Variants in CILK1 observed in about 807,000 individuals in gnomAD.
CILK1 encodes the protein serine/threonine-protein kinase ICK.
Under a neutral mutation model 79.2 loss-of-function variants are expected in CILK1, and 47 were observed. That is an observed-to-expected ratio of 0.59 (90% CI 0.47 to 0.76). CILK1 has a LOEUF of 0.76. Ranked by LOEUF, CILK1 falls within the 30% of genes least tolerant of loss-of-function variation. The pLI, the probability that CILK1 is intolerant of heterozygous loss-of-function variation, is 0.00. For missense variants in CILK1, 660 were observed against 769.5 expected, an observed-to-expected ratio of 0.86 and a Z score of 1.68; for synonymous variants, 266 against 275.9, an observed-to-expected ratio of 0.96 and a Z score of 0.36.
Position 53,013,839 on chromosome 6 carries a change from T to C in CILK1, c.975A>G (p.Pro325=), listed in dbSNP as rs2297211. 0.26 allele frequency: 420,072 copies of C among 1,613,652 alleles called. 57,186 individuals carry two copies. Among genetic ancestry groups the C allele is most frequent in the African/African-American group, 0.42 (31,352 of 74,886 alleles). ...AAATTCGTGTGTGTGGCTTGGCTGG[T>C]GGCTGGGCAGGTGGGACTGGCTTAA... ...PYIKPVPPAQ[P]PAKPHTRISS... Residue 325 remains proline, a synonymous_variant, in exon 9 of 14, where the codon CCA becomes CCG. Transcript: ENST00000676107.
chr6:53,036,781 C>G (rs754403844), intron 3 of CILK1, among the ~76,000 whole-genome samples: 3 of 152,188 alleles, frequency 2.0e-5, no homozygotes, highest in Non-Finnish European at 4.4e-5. Flanking sequence ...ACAGGGAACA[C>G]TAACTTTGAA....
intron 3 of CILK1, among the ~76,000 whole-genome samples, chr6:53,035,054 C>T (rs539519711): frequency 2.6e-5 from 4 of 152,192 alleles, no homozygotes; most frequent in South Asian, 2.1e-4. Context: ...GTGGGCAGGG[C>T]GCAAACCATT....
chr6:53,024,833 C>CT (rs11399655), intron 5 of CILK1, among the ~76,000 whole-genome samples: 91,956 of 133,862 alleles, frequency 0.69, 32,486 homozygotes, highest in East Asian at 0.91. Context: ...ATAGCTAAAT[C>CT]TTTTTTTTTT....
In CILK1 at chr6:53,016,234, C is replaced by T. The variant is rs1176179162; in HGVS notation, c.680G>A (p.Gly227Asp). 6.2e-7 allele frequency: 1 copy of T among 1,614,040 alleles called. No homozygotes were observed. Among genetic ancestry groups the T allele is most frequent in the Non-Finnish European group, 8.5e-7 (1 of 1,179,912 alleles). ...GTPKKTDWPE[G>D]YQLSSAMNFR... Reference sequence around the variant, plus strand: ...GTTCATTGCACTTGAAAGTTGATAGCCTTCAGGCCAGTCAGTCTGAAAGAA... The same window carrying T: ...GTTCATTGCACTTGAAAGTTGATAGTCTTCAGGCCAGTCAGTCTGAAAGAA... Residue 227 changes from glycine (G) to aspartate (D), a missense_variant, in exon 8 of 14, where the codon GGC (glycine) becomes GAC (aspartate). Gly to Asp is a moderately conservative substitution (Grantham distance 94, BLOSUM62 -1). Transcript: ENST00000676107.
chr6:53,026,796 G>C (rs923558922), intron 5 of CILK1, among the ~76,000 whole-genome samples: 2 of 152,174 alleles, frequency 1.3e-5, no homozygotes, highest in Admixed American at 1.3e-4. Flanking sequence ...ATTATGATAA[G>C]AACCTTCCTG....
rs1418100063 is a variant in CILK1, at chr6:53,061,701, C to T, written c.-278G>A. ...GAGCTGGAAATGGGGACAATCCCTG[C>T]TAGGACCGGCCGAGGGCTCCGTACA... On this transcript the variant is annotated 5_prime_UTR_variant, in exon 1 of 14. It removes the in-frame stop codon of an upstream open reading frame in the 5' UTR. Transcript: ENST00000676107. The T allele has an allele frequency of 6.6e-6, 1 of 152,342 alleles. No homozygotes were observed. The highest frequency in any genetic ancestry group is 1.9e-4 in the East Asian group (1 of 5,190). The allele number at this position is 152,342 out of a possible 1,614,324, so 9.4% of individuals were successfully genotyped here.
intron 5 of CILK1, among the ~76,000 whole-genome samples, chr6:53,024,517 G>A (rs1182229014): frequency 2.0e-5 from 3 of 152,186 alleles, no homozygotes; most frequent in Non-Finnish European, 4.4e-5. Flanking sequence ...CTGATTGTGT[G>A]TTTCCATTTT....
chr6:53,045,190 C>T (rs181991843), intron 1 of CILK1, among the ~76,000 whole-genome samples: 5 of 152,204 alleles, frequency 3.3e-5, no homozygotes, highest in East Asian at 3.9e-4. Context: ...TATCATATAC[C>T]ATGGTTCCTC....
intron 2 of CILK1, 125 bp from the exon 3 acceptor site, chr6:53,038,118 C>A: frequency 1.4e-6 from 1 of 692,872 alleles, no homozygotes; most frequent in African/African-American, 1.8e-5. Context: ...AATTTCTACC[C>A]AGTATTATAC....
intron 9 of CILK1, among the ~76,000 whole-genome samples, chr6:53,012,869 C>T (rs558318659): frequency 6.6e-6 from 1 of 152,272 alleles, no homozygotes; most frequent in South Asian, 2.1e-4. Flanking sequence ...CTTCAGACAG[C>T]ACTGCAAAGC....
chr6:53,036,418 T>C (rs527982277), intron 3 of CILK1, among the ~76,000 whole-genome samples: 1 of 152,226 alleles, frequency 6.6e-6, no homozygotes, highest in South Asian at 2.1e-4. Flanking sequence ...AAGAATATTT[T>C]TGTTTTTGTT....
intron 6 of CILK1, 150 bp from the exon 7 acceptor site, chr6:53,018,651 GC>G: frequency 4.0e-6 from 3 of 744,090 alleles, no homozygotes; most frequent in Non-Finnish European, 6.6e-6. Context: ...CTTGGCAACT[GC>G]CGTGGGCTGC....
At chr6:53,034,533 T>A (rs991785789) in intron 3 of CILK1, among the ~76,000 whole-genome samples, 2 of 152,088 alleles carry the variant, frequency 1.3e-5, no homozygotes, top group Non-Finnish European at 2.9e-5. Context: ...CAATCAACAG[T>A]CCAAATGTGG....
At chr6:53,018,272 G>A (rs917505876) in intron 7 of CILK1, 58 bp downstream of exon 7, 80 of 1,523,404 alleles carry the variant, frequency 5.3e-5, no homozygotes, top group Non-Finnish European at 6.5e-5. Flanking sequence ...AGGGCTGAGC[G>A]GAGGAAGCAT....
Position 53,003,775 on chromosome 6 carries a change from T to C in CILK1, c.*1374A>G, listed in dbSNP as rs1429297151. The C allele has an allele frequency of 6.6e-6, 1 of 152,540 alleles. No individual in the cohort carries two copies. The highest frequency in any genetic ancestry group is 1.5e-5 in the Non-Finnish European group (1 of 68,036). The allele number at this position is 152,540 out of a possible 1,614,324, so 9.4% of individuals were successfully genotyped here. A position where few individuals can be genotyped will look rare whatever the true frequency, so the allele number is the denominator to read the frequency against. The stretch of plus-strand genomic sequence containing the variant: ...TTACATATGGTTCAATTTGTCATTA[T>C]CCTGGAACCAATAGAGAGTAGTTTG... On this transcript the variant is annotated 3_prime_UTR_variant, in exon 14 of 14. Transcript: ENST00000676107.
chr6:53,038,175 A>G (rs1766478276), intron 2 of CILK1, among the ~76,000 whole-genome samples, 182 bp from the exon 3 acceptor site: 1 of 152,234 alleles, frequency 6.6e-6, no homozygotes, highest in South Asian at 2.1e-4. Context: ...AATAATCCTA[A>G]GTCACAAATT....
intron 12 of CILK1, among the ~76,000 whole-genome samples, chr6:53,008,857 G>C (rs903796274): frequency 8.5e-5 from 13 of 152,190 alleles, no homozygotes; most frequent in Non-Finnish European, 1.6e-4. Context: ...CAGTGCAGAG[G>C]GGAAAGCAGC....
At chr6:53,043,902 C>A (rs1192545274) in intron 1 of CILK1, among the ~76,000 whole-genome samples, 1 of 151,750 alleles carries the variant, frequency 6.6e-6, no homozygotes, top group Non-Finnish European at 1.5e-5. Flanking sequence ...CAGGAAAAAT[C>A]TTCATAAAAG....
chr6:53,048,427 G>GA (rs36116592), intron 1 of CILK1, among the ~76,000 whole-genome samples: 2 of 152,036 alleles, frequency 1.3e-5, no homozygotes, highest in Non-Finnish European at 1.5e-5. Context: ...TTCCCATACT[G>GA]AAAAAAAGTG....
Sources: allele counts gnomAD v4.1 joint callset (sites outside exome capture counted in the v4.1 genomes callset), GRCh38; gene constraint gnomAD v4.1.1; transcripts MANE v1.5; gene names NCBI Gene and HGNC (gene_info 2026-07-23, HGNC 2026-07-21).